The following MAF variants were observed in gnomAD, a reference collection of about 807,000 sequenced individuals.
The protein encoded by MAF is transcription factor Maf.
A neutral mutation model predicts 22.0 loss-of-function variants in MAF; 10 were observed. That is an observed-to-expected ratio of 0.45 (90% CI 0.28 to 0.77). The LOEUF (loss-of-function observed/expected upper bound fraction) is 0.77, where lower values mean the gene tolerates loss of function less well. Ranked by LOEUF, MAF falls within the 30% of genes least tolerant of loss-of-function variation. The pLI, the probability that MAF is intolerant of heterozygous loss-of-function variation, is 0.12. For synonymous variants in MAF, 337 were observed against 255.8 expected, an observed-to-expected ratio of 1.32 and a Z score of -3.03; for missense variants, 544 against 548.4, an observed-to-expected ratio of 0.99 and a Z score of 0.08.
chr16:79,500,592 G>T, the MAF span, among the ~76,000 whole-genome samples: 1 of 152,176 alleles, frequency 6.6e-6, no homozygotes, highest in African/African-American at 2.4e-5. Context: ...GTCCCACCCA[G>T]AGGCTGGGTG....
the MAF span, among the ~76,000 whole-genome samples, chr16:79,449,524 T>G: frequency 2.6e-5 from 4 of 152,280 alleles, no homozygotes; most frequent in African/African-American, 9.6e-5. Context: ...CTAGAGAAAT[T>G]AAAATATCAC....
the MAF span, among the ~76,000 whole-genome samples, chr16:79,292,440 C>T: frequency 6.6e-6 from 1 of 152,212 alleles, no homozygotes; most frequent in Non-Finnish European, 1.5e-5. Context: ...CAACACCTTA[C>T]TATTCAACTT....
the MAF span, among the ~76,000 whole-genome samples, chr16:79,394,425 G>C: frequency 6.6e-6 from 1 of 152,168 alleles, no homozygotes; most frequent in Non-Finnish European, 1.5e-5. Context: ...TCCCTCCCCT[G>C]GGCCTCCCAG....
At chr16:79,234,341 A>T in the MAF span, among the ~76,000 whole-genome samples, 12 of 152,258 alleles carry the variant, frequency 7.9e-5, no homozygotes, top group South Asian at 2.3e-3. Context: ...TTAAAAAGCA[A>T]TAGCTTGATA....
At chr16:79,451,337 A>T in the MAF span, among the ~76,000 whole-genome samples, 19 of 152,316 alleles carry the variant, frequency 1.2e-4, no homozygotes, top group South Asian at 1.0e-3. Flanking sequence ...TAGGACCACA[A>T]AACAATGGTA....
the MAF span, among the ~76,000 whole-genome samples, chr16:79,451,731 A>G: frequency 1.3e-5 from 2 of 152,244 alleles, no homozygotes; most frequent in Admixed American, 6.5e-5. Flanking sequence ...ACAGGAGGAA[A>G]TAAAGCAAAA....
At chr16:79,538,871 A>AAAG in the MAF span, among the ~76,000 whole-genome samples, 4,828 of 104,154 alleles carry the variant, frequency 0.046, 263 homozygotes, top group African/African-American at 0.13. Flanking sequence ...AAAAGAAAAG[A>AAAG]AAAGAAAGAA....
At chr16:79,285,115 A>T in the MAF span, among the ~76,000 whole-genome samples, 1 of 152,184 alleles carries the variant, frequency 6.6e-6, no homozygotes, top group Non-Finnish European at 1.5e-5. Flanking sequence ...TAAATTCTTT[A>T]AGAGTTCCTG....
chr16:79,228,584 C>G, the MAF span, among the ~76,000 whole-genome samples: 2 of 152,098 alleles, frequency 1.3e-5, no homozygotes, highest in Non-Finnish European at 2.9e-5. Context: ...GGTGTTTCCT[C>G]ACTGGCTCAT....
At chr16:79,359,905 A>G in the MAF span, among the ~76,000 whole-genome samples, 1 of 152,216 alleles carries the variant, frequency 6.6e-6, no homozygotes, top group Non-Finnish European at 1.5e-5. Context: ...GGAGAAGAGA[A>G]GGCCATGGGA....
the MAF span, among the ~76,000 whole-genome samples, chr16:79,562,168 T>C: frequency 1.5e-3 from 230 of 152,296 alleles, 3 homozygotes; most frequent in African/African-American, 5.4e-3. Context: ...ACTTAAAACA[T>C]GTAATATTCA....
chr16:79,545,481 G>C, the MAF span, among the ~76,000 whole-genome samples: 5 of 151,520 alleles, frequency 3.3e-5, no homozygotes. Flanking sequence ...GCATGCCTAT[G>C]AAGATGGACC....
downstream of MAF, among the ~76,000 whole-genome samples, chr16:79,593,221 TGG>T (rs1260133900): frequency 6.6e-6 from 1 of 152,174 alleles, no homozygotes; most frequent in African/African-American, 2.4e-5. Flanking sequence ...GGAAGTAAGT[TGG>T]CCTAAACGAA....
At chr16:79,471,134 C>T in the MAF span, among the ~76,000 whole-genome samples, 2 of 152,172 alleles carry the variant, frequency 1.3e-5, no homozygotes, top group African/African-American at 4.8e-5. Flanking sequence ...TTCCTGCTGA[C>T]CACTCCCACG....
chr16:79,433,068 C>G, the MAF span, among the ~76,000 whole-genome samples: 1 of 152,128 alleles, frequency 6.6e-6, no homozygotes, highest in African/African-American at 2.4e-5. Context: ...ACGTCCACAT[C>G]ATGTGATTCA....
At chr16:79,243,502 C>G in the MAF span, among the ~76,000 whole-genome samples, 1 of 151,962 alleles carries the variant, frequency 6.6e-6, no homozygotes, top group Non-Finnish European at 1.5e-5. Flanking sequence ...TACACCCTCC[C>G]AAGTCTAAAC....
the MAF span, among the ~76,000 whole-genome samples, chr16:79,380,034 C>T: frequency 6.6e-6 from 1 of 152,192 alleles, no homozygotes; most frequent in African/African-American, 2.4e-5. Context: ...CGCACACTCC[C>T]TTCTCAGGCA....
chr16:79,231,790 C>T, the MAF span, among the ~76,000 whole-genome samples: 23 of 152,076 alleles, frequency 1.5e-4, no homozygotes, highest in Middle Eastern at 3.4e-3. Flanking sequence ...GTTACATTTA[C>T]GGTGAACTGT....
At chr16:79,280,481 C>T in the MAF span, among the ~76,000 whole-genome samples, 53 of 152,352 alleles carry the variant, frequency 3.5e-4, no homozygotes, top group African/African-American at 1.2e-3. Context: ...GATTCTGCAA[C>T]AAAACCTGTA....
Sources: gnomAD v4.1 joint callset for allele counts (sites outside exome capture counted in the v4.1 genomes callset) on GRCh38, gnomAD v4.1.1 for gene constraint, MANE v1.5 for transcripts, NCBI Gene and HGNC (gene_info 2026-07-23, HGNC 2026-07-21) for gene names.